BNC2: variants seen among roughly 807,000 people sequenced by gnomAD.
BNC2 encodes basonuclin zinc finger protein 2, also known as zinc finger protein basonuclin-2.
A neutral mutation model predicts 76.3 loss-of-function variants in BNC2; 20 were observed. That is an observed-to-expected ratio of 0.26 (90% CI 0.18 to 0.38). The LOEUF (loss-of-function observed/expected upper bound fraction) is 0.38. Ranked by LOEUF, BNC2 falls within the 10% of genes least tolerant of loss-of-function variation. The probability of loss-of-function intolerance (pLI) is 1.00; values close to 1 mark genes in which losing one functional copy is unlikely to be tolerated. For synonymous variants in BNC2, 582 were observed against 514.8 expected (o/e 1.13, Z -1.77); for missense variants, 1,382 against 1,399.8 (o/e 0.99, Z 0.20).
At chr9:16,470,029 G>A (rs960865945) in intron 5 of BNC2, among the ~76,000 whole-genome samples, 4 of 126,914 alleles carry the variant, frequency 3.2e-5, no homozygotes, top group Admixed American at 9.4e-5. Context: ...ATGGAGTCCC[G>A]CTCTGTTGCC....
rs917166079 is a variant in BNC2 at position 16,534,948 on chromosome 9, C to T, written c.669+17582G>A. On this transcript the variant is annotated intron_variant, in intron 5 of 6. Coordinates refer to ENST00000380672, the MANE Select transcript of BNC2 (RefSeq NM_017637.6). ...TGAAAATGTGGATGAATCAAATATT[C>T]ATATTCTTAAAATTAAATCTAGGTG... 2.0e-5 allele frequency among the ~76,000 whole-genome samples: 3 copies of T among 152,248 alleles called. No homozygotes were observed. The East Asian group carries it at 5.8e-4, about 29-fold the overall frequency.
At chr9:16,832,297 T>C (rs1818594439) in intron 1 of BNC2, 4 of 1,280,148 alleles carry the variant, frequency 3.1e-6, no homozygotes, top group Non-Finnish European at 4.1e-6. Context: ...ATGTGTCATG[T>C]TATCAAGGGA....
rs942253276 is a variant in BNC2 at position 16,594,014 on chromosome 9, G to C, written c.331-10929C>G. Among the ~76,000 whole-genome samples, 10 of 151,954 alleles carry C rather than the reference G, an allele frequency of 6.6e-5. No homozygotes were observed. In the East Asian group the frequency reaches 1.7e-3, roughly 26 times the overall value. On this transcript the variant is annotated intron_variant, in intron 3 of 6. Transcript: ENST00000380672. The stretch of plus-strand genomic sequence containing the variant: ...TTTCACTAATGCAATTTGAAAGATG[G>C]TAATGTGATTACATTTCTCTGTGGC...
At chr9:16,483,070 C>T (rs930670498) in intron 5 of BNC2, among the ~76,000 whole-genome samples, 2 of 152,144 alleles carry the variant, frequency 1.3e-5, no homozygotes, top group Non-Finnish European at 2.9e-5. Flanking sequence ...TACACAAAGG[C>T]ACTTACCAGG....
At chr9:16,773,518 A>C (rs578245886) in intron 1 of BNC2, among the ~76,000 whole-genome samples, 4 of 152,182 alleles carry the variant, frequency 2.6e-5, no homozygotes, top group South Asian at 2.1e-4. Flanking sequence ...ATCAGAAAAA[A>C]AAAAAAAAAA....
At chr9:16,819,292 G>A (rs542423937) in intron 1 of BNC2, among the ~76,000 whole-genome samples, 3 of 152,262 alleles carry the variant, frequency 2.0e-5, no homozygotes, top group South Asian at 4.1e-4. Context: ...ATGTGTCATC[G>A]TTTTTAATAA....
At chr9:16,613,411 A>C (rs1369319630) in intron 3 of BNC2, among the ~76,000 whole-genome samples, 1 of 152,224 alleles carries the variant, frequency 6.6e-6, no homozygotes, top group Admixed American at 6.5e-5. Context: ...TGTAAAAGAC[A>C]AAGTCAAAAG....
intron 6 of BNC2, among the ~76,000 whole-genome samples, chr9:16,421,056 G>A (rs1820699597): frequency 6.6e-6 from 1 of 152,182 alleles, no homozygotes; most frequent in South Asian, 2.1e-4. Context: ...ATACTTAAAA[G>A]TATGGAAGAC....
intron 1 of BNC2, among the ~76,000 whole-genome samples, chr9:16,749,776 A>G (rs1483321237): frequency 6.6e-6 from 1 of 152,190 alleles, no homozygotes; most frequent in Non-Finnish European, 1.5e-5. Context: ...TTATTTAATA[A>G]GACATGAGAT....
intron 5 of BNC2, among the ~76,000 whole-genome samples, chr9:16,484,580 A>G (rs1310856038): frequency 6.6e-6 from 1 of 152,178 alleles, no homozygotes; most frequent in Non-Finnish European, 1.5e-5. Context: ...CACCCCAATA[A>G]AATAATCATG....
chr9:16,583,402 G>A (rs939061777), intron 3 of BNC2, among the ~76,000 whole-genome samples: 23 of 152,144 alleles, frequency 1.5e-4, no homozygotes, highest in Middle Eastern at 3.4e-3. Flanking sequence ...AAAGAAAAAA[G>A]TATATTGCTG....
intron 5 of BNC2, among the ~76,000 whole-genome samples, chr9:16,503,689 T>C (rs1187320803): frequency 6.6e-6 from 1 of 152,240 alleles, no homozygotes; most frequent in Non-Finnish European, 1.5e-5. Flanking sequence ...AACTTTTTAC[T>C]ATCACTGATA....
intron 4 of BNC2, among the ~76,000 whole-genome samples, chr9:16,564,269 T>A (rs1305323349): frequency 1.3e-5 from 2 of 152,302 alleles, no homozygotes; most frequent in South Asian, 2.1e-4. Flanking sequence ...TAGTCCTTAG[T>A]TTTCAAAATT....
chr9:16,795,674 T>C (rs980252777), intron 1 of BNC2, among the ~76,000 whole-genome samples: 16 of 152,186 alleles, frequency 1.1e-4, no homozygotes, highest in African/African-American at 3.9e-4. Flanking sequence ...TGCTTGGTTT[T>C]CTTATCCTTT....
intron 1 of BNC2, among the ~76,000 whole-genome samples, chr9:16,786,631 G>T (rs1450464165): frequency 6.6e-6 from 1 of 152,104 alleles, no homozygotes; most frequent in African/African-American, 2.4e-5. Context: ...TGCATGCATG[G>T]GGCAAGCAAA....
At chr9:16,862,647 T>C (rs749539583) in intron 1 of BNC2, among the ~76,000 whole-genome samples, 3 of 152,214 alleles carry the variant, frequency 2.0e-5, no homozygotes, top group Non-Finnish European at 1.5e-5. Flanking sequence ...GCTACTGCCA[T>C]GTATTCCTCT....
At chr9:16,502,055 T>C (rs1255297013) in intron 5 of BNC2, among the ~76,000 whole-genome samples, 1 of 152,176 alleles carries the variant, frequency 6.6e-6, no homozygotes, top group Non-Finnish European at 1.5e-5. Flanking sequence ...ATGTAACATA[T>C]CCTTTTTTTG....
At chr9:16,737,446 T>C (rs1402373341) in intron 2 of BNC2, among the ~76,000 whole-genome samples, 1 of 151,200 alleles carries the variant, frequency 6.6e-6, no homozygotes, top group Non-Finnish European at 1.5e-5. Context: ...GAGACGAGGT[T>C]TCACCATGTT....
chr9:16,865,539 C>T (rs116193131), intron 1 of BNC2, among the ~76,000 whole-genome samples: 1,558 of 152,136 alleles, frequency 0.01, 21 homozygotes, highest in African/African-American at 0.036. Flanking sequence ...TCTTAATTAT[C>T]GAACCTATTA....
Sources: allele counts gnomAD v4.1 joint callset (sites outside exome capture counted in the v4.1 genomes callset), GRCh38; gene constraint gnomAD v4.1.1; transcripts MANE v1.5; gene names NCBI Gene and HGNC (gene_info 2026-07-23, HGNC 2026-07-21).